LRP1B: variants seen among roughly 807,000 people sequenced by gnomAD.
LRP1B encodes low-density lipoprotein receptor-related protein 1B.
A neutral mutation model predicts 556.6 loss-of-function variants in LRP1B; 217 were observed. The observed-to-expected ratio is 0.39, with a 90% CI of 0.35 to 0.44. LRP1B has a LOEUF of 0.44. LRP1B is among the 20% of genes least tolerant of loss of function. The pLI is 1.00. For synonymous variants in LRP1B, 2,047 were observed against 1,865.8 expected (o/e 1.10, Z -2.50); for missense variants, 5,053 against 5,620.8 (o/e 0.90, Z 3.23).
chr2:140,502,002 T>G, intron 54 of LRP1B, 128 bp from the exon 55 acceptor site: 1 of 652,208 alleles, frequency 1.5e-6, no homozygotes, highest in Non-Finnish European at 2.4e-6. Flanking sequence ...ATATAAAATC[T>G]TTTACATATT....
intron 23 of LRP1B, chr2:140,899,020 T>C: frequency 2.9e-6 from 1 of 339,214 alleles, no homozygotes; most frequent in Non-Finnish European, 5.8e-6. Context: ...CTGCAGTGAT[T>C]GCCAGATCTG....
intron 23 of LRP1B, among the ~76,000 whole-genome samples, chr2:140,892,340 G>C (rs1202050347): frequency 1.3e-5 from 2 of 152,100 alleles, no homozygotes; most frequent in Non-Finnish European, 2.9e-5. Context: ...AATGTCTAAA[G>C]TTTAGAACAT....
chr2:141,958,996 A>C (rs539223060), intron 1 of LRP1B, among the ~76,000 whole-genome samples: 4 of 152,122 alleles, frequency 2.6e-5, no homozygotes, highest in African/African-American at 9.6e-5. Flanking sequence ...TTACACCAAC[A>C]ATGGATCAAT....
intron 72 of LRP1B, among the ~76,000 whole-genome samples, chr2:140,362,685 A>T (rs528924601): frequency 6.6e-6 from 1 of 151,496 alleles, no homozygotes; most frequent in South Asian, 2.1e-4. Flanking sequence ...TTCACTCCCA[A>T]CCTCAAGCCT....
intron 41 of LRP1B, among the ~76,000 whole-genome samples, chr2:140,668,128 T>C (rs1029947947): frequency 2.0e-4 from 30 of 151,860 alleles, no homozygotes; most frequent in African/African-American, 6.8e-4. Flanking sequence ...CTGGCTAACA[T>C]GGTGAAACCC....
At chr2:141,201,006 C>T (rs758816941) in intron 6 of LRP1B, among the ~76,000 whole-genome samples, 3 of 152,070 alleles carry the variant, frequency 2.0e-5, no homozygotes, top group Non-Finnish European at 4.4e-5. Flanking sequence ...ATTTTCTTTG[C>T]TTTTACCATG....
intron 35 of LRP1B, among the ~76,000 whole-genome samples, chr2:140,754,529 A>G (rs1225784131): frequency 1.3e-5 from 2 of 152,184 alleles, no homozygotes; most frequent in Non-Finnish European, 2.9e-5. Context: ...CAAAGCATGG[A>G]AATTCATAAA....
Position 141,004,945 on chromosome 2 carries a change from A to G in LRP1B, c.2503+390T>C, listed in dbSNP as rs150329450. On this transcript the variant is annotated intron_variant, in intron 15 of 90. Transcript: ENST00000389484. ...TTTCCCTCCCTCCTTGCTCTTCACC[A>G]CTTAATACAGACAACTGAGTCAGGA... Among the ~76,000 whole-genome samples, 556 of 152,120 alleles carry G rather than the reference A, an allele frequency of 3.7e-3. 2 individuals carry two copies. The highest frequency in any genetic ancestry group is 0.013 in the African/African-American group (533 of 41,528).
chr2:140,924,691 T>C (rs577377440), intron 20 of LRP1B, among the ~76,000 whole-genome samples: 2 of 152,252 alleles, frequency 1.3e-5, no homozygotes, highest in South Asian at 4.1e-4. Context: ...TTTGGCTTTC[T>C]TTAAATCCCC....
intron 32 of LRP1B, among the ~76,000 whole-genome samples, chr2:140,800,581 T>A (rs907736803): frequency 1.3e-5 from 2 of 152,190 alleles, no homozygotes; most frequent in Non-Finnish European, 2.9e-5. Flanking sequence ...TTTTTAAAAA[T>A]TTAGACTAAC....
chr2:141,026,565 G>A (rs1014734474), intron 11 of LRP1B, among the ~76,000 whole-genome samples: 1 of 151,974 alleles, frequency 6.6e-6, no homozygotes, highest in Admixed American at 6.6e-5. Flanking sequence ...GAGATAACCA[G>A]GCTAAATCAA....
chr2:141,310,221 A>G (rs1054472543), intron 3 of LRP1B, among the ~76,000 whole-genome samples: 2 of 152,188 alleles, frequency 1.3e-5, no homozygotes, highest in South Asian at 4.1e-4. Flanking sequence ...CTCTATTTTC[A>G]TGTCTTATTT....
intron 43 of LRP1B, among the ~76,000 whole-genome samples, chr2:140,597,010 C>G (rs1288797192): frequency 6.6e-6 from 1 of 151,802 alleles, no homozygotes; most frequent in African/African-American, 2.4e-5. Context: ...ATAAATAGTC[C>G]CTAAATTAAC....
intron 2 of LRP1B, among the ~76,000 whole-genome samples, chr2:141,607,777 T>C (rs914635404): frequency 8.6e-5 from 13 of 151,972 alleles, no homozygotes; most frequent in African/African-American, 3.1e-4. Context: ...AAAAAATACA[T>C]AGTTGGGCAT....
chr2:141,398,100 T>C (rs1690309511), intron 3 of LRP1B, among the ~76,000 whole-genome samples: 1 of 152,048 alleles, frequency 6.6e-6, no homozygotes, highest in Non-Finnish European at 1.5e-5. Context: ...ATATGTGAAA[T>C]AAATTCACAA....
At chr2:140,986,335 T>C (rs1349450668) in intron 17 of LRP1B, among the ~76,000 whole-genome samples, 1 of 152,114 alleles carries the variant, frequency 6.6e-6, no homozygotes, top group Non-Finnish European at 1.5e-5. Context: ...TTCACATCTC[T>C]CTCTTCGTGC....
chr2:141,292,875 A>G (rs183387476), intron 3 of LRP1B, among the ~76,000 whole-genome samples: 28 of 152,170 alleles, frequency 1.8e-4, no homozygotes, highest in African/African-American at 6.8e-4. Flanking sequence ...GGTAAAAACT[A>G]AGGAAATCTG....
At chr2:140,275,042 G>A (rs1682612527) in intron 84 of LRP1B, among the ~76,000 whole-genome samples, 1 of 151,918 alleles carries the variant, frequency 6.6e-6, no homozygotes. Context: ...TGAGGGTCGT[G>A]ATTACATCGG....
intron 82 of LRP1B, among the ~76,000 whole-genome samples, chr2:140,320,516 C>G (rs188593248): frequency 7.2e-5 from 11 of 152,188 alleles, no homozygotes; most frequent in Non-Finnish European, 1.5e-4. Flanking sequence ...GGTAACAAAC[C>G]CTGCCATGAA....
Sources: allele counts gnomAD v4.1 joint callset (sites outside exome capture counted in the v4.1 genomes callset), GRCh38; gene constraint gnomAD v4.1.1; transcripts MANE v1.5; gene names NCBI Gene and HGNC (gene_info 2026-07-23, HGNC 2026-07-21).